Variants in RAB40A observed in about 807,000 individuals in gnomAD.
RAB40A encodes the protein RAB40A, member RAS oncogene family.
For missense variants in RAB40A, 145 were observed against 230.2 expected, an observed-to-expected ratio of 0.63 and a Z score of 2.40; for synonymous variants, 65 against 99.9, an observed-to-expected ratio of 0.65 and a Z score of 2.08.
Position 103,499,789 on chromosome X carries a change from A to AC in RAB40A, c.*133dup, listed in dbSNP as rs1486099052. The AC allele has an allele frequency of 1.3e-4, 94 of 742,108 alleles. No individual in the cohort carries two copies. Among genetic ancestry groups the AC allele is most frequent in the Non-Finnish European group, 1.8e-4 (87 of 491,196 alleles). 61.2% of individuals were successfully genotyped at this position (742,108 alleles called of 1,213,427 possible). ...TTTTTATTGACAGAAGGCATCACAC[A>AC]CATTCCCAAGCAGCATGGTTCCCGT... On this transcript the variant is annotated 3_prime_UTR_variant, in exon 3 of 3. Transcript: ENST00000304236.
chrX:103,517,561 A>G (rs190219596), intron 1 of RAB40A, 36 bp from the exon 2 acceptor site: 92 of 112,341 alleles, frequency 8.2e-4, no homozygotes, highest in African/African-American at 2.7e-3. Flanking sequence ...AGTACATGGA[A>G]TCAAAGGAAT....
At chrX:103,515,521 T>C (rs1416837529) in intron 2 of RAB40A, among the ~76,000 whole-genome samples, 2 of 112,390 alleles carry the variant, frequency 1.8e-5, no homozygotes, top group African/African-American at 6.5e-5. Flanking sequence ...TGAAGTATTA[T>C]GTATCAGATG....
intron 1 of RAB40A, among the ~76,000 whole-genome samples, chrX:103,518,107 G>GA (rs2147596767): frequency 8.9e-6 from 1 of 111,785 alleles, no homozygotes; most frequent in South Asian, 3.8e-4. Context: ...TTGGACAGTT[G>GA]AGACATAGAA....
At chrX:103,497,116 C>G (rs1272275273), downstream of RAB40A, among the ~76,000 whole-genome samples, 1 of 111,475 alleles carries the variant, frequency 9.0e-6, no homozygotes, top group African/African-American at 3.3e-5. Flanking sequence ...AGAACAGTAA[C>G]TAGGGTTGTA....
intron 2 of RAB40A, among the ~76,000 whole-genome samples, chrX:103,515,192 T>C (rs1198675444): frequency 1.8e-5 from 2 of 112,597 alleles, no homozygotes; most frequent in South Asian, 3.7e-4. Flanking sequence ...TTGTACAGAA[T>C]ACTCATCTTT....
intron 2 of RAB40A, chrX:103,503,592 A>C: frequency 2.0e-6 from 1 of 510,105 alleles, no homozygotes; most frequent in Non-Finnish European, 2.4e-6. Context: ...AAAAATGGAG[A>C]TAGCTGTGAT....
chrX:103,506,951 C>T (rs1295745974), intron 2 of RAB40A, among the ~76,000 whole-genome samples: 1 of 111,528 alleles, frequency 9.0e-6, no homozygotes, highest in Non-Finnish European at 1.9e-5. Flanking sequence ...GATACATGTG[C>T]AGAACGTGCA....
In RAB40A at chrX:103,499,339, T is replaced by G. The variant is rs2073207974; in HGVS notation, c.*584A>C. 1 of 123,457 alleles carries G rather than the reference T, an allele frequency of 8.1e-6. No individual in the cohort carries two copies. The highest frequency in any genetic ancestry group is 1.8e-5 in the Non-Finnish European group (1 of 54,766). 10.2% of individuals were successfully genotyped at this position (123,457 alleles called of 1,213,427 possible). On this transcript the variant is annotated 3_prime_UTR_variant, in exon 3 of 3. Coordinates refer to ENST00000304236, the MANE Select transcript of RAB40A (RefSeq NM_080879.3). ...CAGAAAAACATACATATAAATCACGTATTAATCCCCAAATGTAGTAAATAA... is the reference window on the plus strand; with the variant it reads ...CAGAAAAACATACATATAAATCACGGATTAATCCCCAAATGTAGTAAATAA...
At chrX:103,510,783 C>T (rs749462888) in intron 2 of RAB40A, among the ~76,000 whole-genome samples, 18 of 112,276 alleles carry the variant, frequency 1.6e-4, no homozygotes, top group Non-Finnish European at 2.8e-4. Context: ...GAAACTTAAA[C>T]ATTTTCAGCC....
chrX:103,498,030 A>G (rs548235433), downstream of RAB40A, among the ~76,000 whole-genome samples: 136 of 112,451 alleles, frequency 1.2e-3, no homozygotes, highest in African/African-American at 4.1e-3. Flanking sequence ...TCCACCTGTC[A>G]TATCATCAAA....
intron 2 of RAB40A, among the ~76,000 whole-genome samples, chrX:103,511,609 A>G: frequency 9.1e-6 from 1 of 110,414 alleles, no homozygotes; most frequent in African/African-American, 3.3e-5. Flanking sequence ...AGAAAACCAA[A>G]CACTGCATGT....
intron 2 of RAB40A, among the ~76,000 whole-genome samples, chrX:103,512,747 A>G (rs979529212): frequency 8.9e-6 from 1 of 112,011 alleles, no homozygotes; most frequent in African/African-American, 3.2e-5. Context: ...ATACTATTTT[A>G]TTTCTATTCT....
intron 1 of RAB40A, among the ~76,000 whole-genome samples, chrX:103,518,811 T>C (rs921315023): frequency 9.8e-5 from 11 of 112,004 alleles, no homozygotes; most frequent in Non-Finnish European, 2.1e-4. Flanking sequence ...CAACCCTTTC[T>C]ATACATACTA....
intron 1 of RAB40A, among the ~76,000 whole-genome samples, chrX:103,519,165 C>A (rs1328919703): frequency 9.0e-6 from 1 of 111,395 alleles, no homozygotes; most frequent in Non-Finnish European, 1.9e-5. Flanking sequence ...TTGAATCAAG[C>A]CTCTGAATCT....
At chrX:103,495,552 T>C (rs12845278), downstream of RAB40A, among the ~76,000 whole-genome samples, 1 of 111,938 alleles carries the variant, frequency 8.9e-6, no homozygotes, top group Non-Finnish European at 1.9e-5. Flanking sequence ...TGTTTCTCTG[T>C]GGATTTGCTT....
At chrX:103,507,242 T>C (rs961781585) in intron 2 of RAB40A, among the ~76,000 whole-genome samples, 3 of 112,183 alleles carry the variant, frequency 2.7e-5, no homozygotes, top group Non-Finnish European at 5.6e-5. Flanking sequence ...TGCAGGTTTT[T>C]GTATTTTTTA....
chrX:103,505,707 C>T (rs1195139880), intron 2 of RAB40A, among the ~76,000 whole-genome samples: 1 of 111,531 alleles, frequency 9.0e-6, no homozygotes, highest in Non-Finnish European at 1.9e-5. Context: ...ATCTTTCACT[C>T]TGTATTTCAA....
At chrX:103,496,139 T>C (rs775944124), downstream of RAB40A, among the ~76,000 whole-genome samples, 1 of 112,056 alleles carries the variant, frequency 8.9e-6, no homozygotes, top group Non-Finnish European at 1.9e-5. Flanking sequence ...CTCTTTTCTG[T>C]AGAAGTAAGT....
chrX:103,514,931 A>G (rs1164243116), intron 2 of RAB40A, among the ~76,000 whole-genome samples: 1 of 112,192 alleles, frequency 8.9e-6, no homozygotes, highest in Non-Finnish European at 1.9e-5. Flanking sequence ...TATACTCTGT[A>G]TGTATGCATC....
Sources: gnomAD v4.1 joint callset for allele counts (sites outside exome capture counted in the v4.1 genomes callset) on GRCh38, gnomAD v4.1.1 for gene constraint, MANE v1.5 for transcripts, NCBI Gene and HGNC (gene_info 2026-07-23, HGNC 2026-07-21) for gene names.